The following RYR3 variants were observed in gnomAD, a reference collection of about 807,000 sequenced individuals.
The protein encoded by RYR3 is ryanodine receptor 3, also known as brain ryanodine receptor-calcium release channel.
Under a neutral mutation model 584.3 loss-of-function variants are expected in RYR3, and 207 were observed. That is an observed-to-expected ratio of 0.35 (90% CI 0.32 to 0.40). The LOEUF is 0.40. Among genes scored for constraint, RYR3 ranks in the 10% least tolerant of loss-of-function variants. RYR3 has a pLI of 1.00. For synonymous variants in RYR3, 2,416 were observed against 2,248.5 expected, an observed-to-expected ratio of 1.07 and a Z score of -2.11; for missense variants, 5,616 against 6,089.2, an observed-to-expected ratio of 0.92 and a Z score of 2.59.
chr15:33,726,429 T>A lies in RYR3; in HGVS notation c.6956T>A (p.Ile2319Asn). The A allele has an allele frequency of 6.2e-7, 1 of 1,612,374 alleles. No homozygotes were observed. The highest frequency in any genetic ancestry group is 8.5e-7 in the Non-Finnish European group (1 of 1,179,272). ...GGGGAAGCCATCCGCATCAGGTCCATCCTGCGCTCCCTGGTCCCCACAGAA... is the reference window on the plus strand; with the variant it reads ...GGGGAAGCCATCCGCATCAGGTCCAACCTGCGCTCCCTGGTCCCCACAGAA... ...GKGEAIRIRSILRSLVPTEDL... is the reference protein window; with the variant it reads ...GKGEAIRIRSNLRSLVPTEDL... Residue 2319 changes from isoleucine (I) to asparagine (N), a missense_variant, in exon 46 of 104, where the codon ATC (isoleucine) becomes AAC (asparagine). This residue lies in a region of RYR3 where 1,280 missense variants were observed against 1,426.2 expected (regional missense o/e 0.90). Coordinates refer to ENST00000634891, the MANE Select transcript of RYR3 (RefSeq NM_001036.6).
chr15:33,713,976 G>C (rs1207577433), intron 43 of RYR3, among the ~76,000 whole-genome samples: 1 of 152,092 alleles, frequency 6.6e-6, no homozygotes, highest in African/African-American at 2.4e-5. Context: ...TGGAGGGTGG[G>C]GGGGACACGA....
chr15:33,530,716 G>T, intron 4 of RYR3, 50 bp downstream of exon 4: 5 of 1,359,372 alleles, frequency 3.7e-6, no homozygotes, highest in Non-Finnish European at 5.3e-6. Flanking sequence ...AGGAAAAACT[G>T]AAGAGGGGGA....
Position 33,540,873 on chromosome 15 carries a change from G to A in RYR3, c.629G>A (p.Gly210Glu). The part of the protein sequence containing the change: ...TLWNVHPTCS[G>E]SSIEEGYLLG... ...TGGAATGTACATCCTACGTGCTCAG[G>A]AAGTAGCATCGAAGAAGGTGTGCTT... Residue 210 changes from glycine to glutamate, a missense_variant, in exon 7 of 104, where the codon GGA (glycine) becomes GAA (glutamate). Physicochemically the swap from Gly to Glu is moderately conservative, Grantham distance 98. This residue lies in a region of RYR3 where 1,284 missense variants were observed against 1,344.6 expected (regional missense o/e 0.95). Coordinates refer to ENST00000634891, the MANE Select transcript of RYR3 (RefSeq NM_001036.6). 1 of 1,611,116 alleles carries A rather than the reference G, an allele frequency of 6.2e-7. No homozygotes were observed.
Position 33,788,246 on chromosome 15 carries a change from C to T in RYR3, c.9618C>T (p.Ala3206=). 1 of 1,613,966 alleles carries T rather than the reference C, an allele frequency of 6.2e-7. No individual in the cohort carries two copies. Among genetic ancestry groups the T allele is most frequent in the Non-Finnish European group, 8.5e-7 (1 of 1,179,870 alleles). The change falls in exon 67 of 104, where the codon GCC becomes GCT. Residue 3206 remains alanine (A), a synonymous_variant. Coordinates refer to ENST00000634891, the MANE Select transcript of RYR3 (RefSeq NM_001036.6). ...AVYAQPIISK[A]RPDLLRSHFI... Reference sequence around the variant, plus strand: ...ATGCACAGCCCATCATCAGCAAAGCCAGGCCCGACCTGCTGAGAAGCCACT... The same window carrying T: ...ATGCACAGCCCATCATCAGCAAAGCTAGGCCCGACCTGCTGAGAAGCCACT...
intron 1 of RYR3, among the ~76,000 whole-genome samples, chr15:33,425,885 G>T (rs2596226): frequency 1.3e-5 from 2 of 151,950 alleles, no homozygotes; most frequent in Non-Finnish European, 1.5e-5. Flanking sequence ...CTCGTGATCC[G>T]CCCGCCTTGG....
At chr15:33,523,061 G>A (rs1350880593) in intron 3 of RYR3, among the ~76,000 whole-genome samples, 1 of 152,084 alleles carries the variant, frequency 6.6e-6, no homozygotes, top group East Asian at 1.9e-4. Flanking sequence ...GGGTGGGATG[G>A]GGACTTGGAG....
chr15:33,777,887 A>G (rs574368768), intron 64 of RYR3, among the ~76,000 whole-genome samples: 52 of 152,136 alleles, frequency 3.4e-4, no homozygotes, highest in Non-Finnish European at 2.5e-4. Context: ...ATTTGCTGTC[A>G]GGCAGGACGC....
intron 19 of RYR3, among the ~76,000 whole-genome samples, chr15:33,616,073 A>C (rs1296212841): frequency 6.6e-6 from 1 of 152,154 alleles, no homozygotes; most frequent in African/African-American, 2.4e-5. Context: ...CCCACCATTA[A>C]TACTGCTCCC....
At chr15:33,699,141 T>C (rs1214857440) in intron 40 of RYR3, among the ~76,000 whole-genome samples, 1 of 152,060 alleles carries the variant, frequency 6.6e-6, no homozygotes, top group Non-Finnish European at 1.5e-5. Context: ...CTTGCGTAAC[T>C]GTAGAGGCCA....
At position 33,853,535 on chromosome 15, in the gene RYR3, C is replaced by G; in HGVS notation, c.13672-20C>G. ...GTGGTGGCGTGTGGCCTGAGCTCAC[C>G]CTGTCATCCTTTGCTTCAGGTGATC... On this transcript the variant is annotated intron_variant, in intron 95 of 103. Transcript: ENST00000634891. 1.2e-6 allele frequency: 2 copies of G among 1,611,470 alleles called. No homozygotes were observed. Among genetic ancestry groups the G allele is most frequent in the Non-Finnish European group, 1.7e-6 (2 of 1,178,154 alleles).
Position 33,533,316 on chromosome 15 carries a change from A to G in RYR3, c.360A>G (p.Leu120=). The change falls in exon 5 of 104, where the codon CTA becomes CTG. Residue 120 remains leucine, a synonymous_variant. Transcript: ENST00000634891. ...LLRHSFSGMY[L]TCLTTSRSQT... ...TATTTGCTCTTCTTTCACAGTATCT[A>G]ACATGCTTGACTACATCAAGATCCC... 10 of 1,601,716 alleles carry G rather than the reference A, an allele frequency of 6.2e-6. No individual in the cohort carries two copies. The highest frequency in any genetic ancestry group is 8.5e-6 in the Non-Finnish European group (10 of 1,173,346).
At chr15:33,661,887 C>T (rs144614979) in intron 34 of RYR3, among the ~76,000 whole-genome samples, 8 of 152,240 alleles carry the variant, frequency 5.3e-5, no homozygotes, top group South Asian at 2.1e-4. Context: ...TTGGGAATTT[C>T]GGATTTTTTC....
At chr15:33,340,845 A>C (rs989208453) in intron 1 of RYR3, among the ~76,000 whole-genome samples, 13 of 152,198 alleles carry the variant, frequency 8.5e-5, no homozygotes, top group Non-Finnish European at 1.3e-4. Context: ...ATCATGGCCC[A>C]CCTATACCCT....
At chr15:33,526,555 G>A (rs547824419) in intron 3 of RYR3, among the ~76,000 whole-genome samples, 6 of 152,088 alleles carry the variant, frequency 3.9e-5, no homozygotes, top group Admixed American at 1.3e-4. Context: ...ACAATGAAAA[G>A]AGTAGAATTT....
intron 1 of RYR3, among the ~76,000 whole-genome samples, chr15:33,387,092 C>T (rs961379294): frequency 3.9e-5 from 6 of 152,034 alleles, no homozygotes; most frequent in African/African-American, 9.7e-5. Flanking sequence ...CTCCTGACCT[C>T]GTGATCCACC....
intron 19 of RYR3, among the ~76,000 whole-genome samples, chr15:33,618,629 T>G (rs1380703114): frequency 6.6e-6 from 1 of 152,250 alleles, no homozygotes; most frequent in Non-Finnish European, 1.5e-5. Context: ...TCATTCTTTC[T>G]CCTCTTAACC....
At chr15:33,677,132 A>G (rs186763555) in intron 38 of RYR3, among the ~76,000 whole-genome samples, 7 of 152,312 alleles carry the variant, frequency 4.6e-5, no homozygotes, top group Admixed American at 4.6e-4. Context: ...TGCAACAAGT[A>G]AGAAAAAGGC....
At chr15:33,632,886 A>C in intron 23 of RYR3, 63 bp from the exon 24 acceptor site, 1 of 1,470,994 alleles carries the variant, frequency 6.8e-7, no homozygotes, top group Admixed American at 1.8e-5. Flanking sequence ...TCTTGGTCTA[A>C]AATCCGGAAT....
chr15:33,550,060 G>C (rs1357556637), intron 9 of RYR3, 100 bp from the exon 10 acceptor site: 1 of 1,257,604 alleles, frequency 8.0e-7, no homozygotes, highest in African/African-American at 1.5e-5. Flanking sequence ...ACACCAGAAG[G>C]GTTATAAGTC....
Sources: gnomAD v4.1 joint callset for allele counts (sites outside exome capture counted in the v4.1 genomes callset) on GRCh38, gnomAD v4.1.1 for gene constraint, gnomAD v4.1.1 regional missense constraint, MANE v1.5 for transcripts, NCBI Gene and HGNC (gene_info 2026-07-23, HGNC 2026-07-21) for gene names.